Variants in NECTIN3 observed in about 807,000 individuals in gnomAD.
NECTIN3 encodes nectin cell adhesion molecule 3.
In NECTIN3, 8 loss-of-function variants were observed where a neutral mutation model predicts 49.4. That is an observed-to-expected ratio of 0.16 (90% CI 0.10 to 0.29). The LOEUF (loss-of-function observed/expected upper bound fraction) is 0.29. Ranked by LOEUF, NECTIN3 falls within the 10% of genes least tolerant of loss-of-function variation. The pLI is 1.00. For synonymous variants in NECTIN3, 277 were observed against 241.1 expected, an observed-to-expected ratio of 1.15 and a Z score of -1.38; for missense variants, 581 against 654.6, an observed-to-expected ratio of 0.89 and a Z score of 1.23.
At chr3:111,127,831 G>A (rs2034229075) in intron 5 of NECTIN3, among the ~76,000 whole-genome samples, 1 of 152,034 alleles carries the variant, frequency 6.6e-6, no homozygotes, top group Non-Finnish European at 1.5e-5. Flanking sequence ...ACCTCCTAAA[G>A]TGCTGGGATT....
intron 4 of NECTIN3, among the ~76,000 whole-genome samples, chr3:111,123,015 G>T (rs948001569): frequency 4.0e-5 from 6 of 151,316 alleles, no homozygotes; most frequent in African/African-American, 1.5e-4. Context: ...CTTCCTAGAA[G>T]ATTTTCTTGA....
intron 4 of NECTIN3, 44 bp from the exon 5 acceptor site, chr3:111,126,140 A>AG (rs2034155033): frequency 7.3e-7 from 1 of 1,373,916 alleles, no homozygotes; most frequent in Non-Finnish European, 9.7e-7. Context: ...CAATAAATAT[A>AG]GTCTGAAGAT....
At chr3:111,087,041 T>C (rs2031973535) in intron 1 of NECTIN3, among the ~76,000 whole-genome samples, 1 of 152,144 alleles carries the variant, frequency 6.6e-6, no homozygotes, top group South Asian at 2.1e-4. Context: ...GTTTTCTCAT[T>C]GTTTGTGGCA....
chr3:111,160,999 T>G (rs1345526951), intron 7 of NECTIN3, among the ~76,000 whole-genome samples: 1 of 152,064 alleles, frequency 6.6e-6, no homozygotes, highest in Non-Finnish European at 1.5e-5. Flanking sequence ...AGAACGAGAC[T>G]CCGTCTCAAA....
upstream of NECTIN3, among the ~76,000 whole-genome samples, chr3:111,189,781 T>C (rs145399764): frequency 2.5e-3 from 377 of 152,292 alleles, 2 homozygotes; most frequent in Middle Eastern, 0.014. Flanking sequence ...AAGATGGCAT[T>C]ATTAGGTACC....
rs773483080 is a variant in NECTIN3, at chr3:111,126,227, A to G, written c.961A>G (p.Thr321Ala). 1 of 1,609,004 alleles carries G rather than the reference A, an allele frequency of 6.2e-7. No homozygotes were observed. The highest frequency in any genetic ancestry group is 1.1e-5 in the South Asian group (1 of 90,426). ...WPDGLLASDNTLHFVHPLTFN... is the reference protein window; with the variant it reads ...WPDGLLASDNALHFVHPLTFN... ...TGATGGTTTATTGGCTTCAGACAATACTCTTCATTTTGTCCATCCATTGAC... is the reference window on the plus strand; with the variant it reads ...TGATGGTTTATTGGCTTCAGACAATGCTCTTCATTTTGTCCATCCATTGAC... The change falls in exon 5 of 6, where the codon ACT (threonine) becomes GCT (alanine). Residue 321 changes from threonine to alanine, a missense_variant. Coordinates refer to ENST00000485303, the MANE Select transcript of NECTIN3 (RefSeq NM_015480.3).
upstream of NECTIN3, among the ~76,000 whole-genome samples, chr3:111,190,253 G>A (rs956377598): frequency 7.2e-5 from 11 of 152,198 alleles, no homozygotes; most frequent in Admixed American, 4.6e-4. Flanking sequence ...GGGAAGCACT[G>A]TAGAATTATG....
At chr3:111,088,949 T>C (rs1298315438) in intron 1 of NECTIN3, among the ~76,000 whole-genome samples, 1 of 152,130 alleles carries the variant, frequency 6.6e-6, no homozygotes, top group East Asian at 1.9e-4. Context: ...GTTTTCTTTT[T>C]AAGGGAAGGA....
chr3:111,138,378 A>G (rs1195103401), downstream of NECTIN3, among the ~76,000 whole-genome samples: 1 of 151,620 alleles, frequency 6.6e-6, no homozygotes, highest in Non-Finnish European at 1.5e-5. Context: ...TTGCACAGTA[A>G]ACCAACTTTC....
At position 111,135,882 on chromosome 3, in the gene NECTIN3, A is replaced by G; in HGVS notation, c.*1667A>G. The G allele has an allele frequency of 1.1e-6, 1 of 909,340 alleles. No individual in the cohort carries two copies. Among genetic ancestry groups the G allele is most frequent in the Middle Eastern group, 5.7e-4 (1 of 1,760 alleles). The allele number at this position is 909,340 out of a possible 1,614,324, so 56.3% of individuals were successfully genotyped here. On this transcript the variant is annotated 3_prime_UTR_variant, in exon 6 of 6. Transcript: ENST00000485303. ...CTCTTTTATTTCTCTTCCCAAAAGT[A>G]ATACTTATTATAAGGCTGTAGTATC...
At chr3:111,146,091 A>G (rs2034866835) in intron 6 of NECTIN3, among the ~76,000 whole-genome samples, 1 of 152,148 alleles carries the variant, frequency 6.6e-6, no homozygotes, top group South Asian at 2.1e-4. Flanking sequence ...AAGATGATAA[A>G]ATGCTCTTTC....
chr3:111,127,410 A>G (rs560228944), intron 5 of NECTIN3, among the ~76,000 whole-genome samples: 2 of 149,506 alleles, frequency 1.3e-5, no homozygotes, highest in South Asian at 4.2e-4. Context: ...TTTATTCACG[A>G]CTGTATACTC....
chr3:111,181,033 G>A (rs1032600341), intron 7 of NECTIN3, among the ~76,000 whole-genome samples: 2 of 152,068 alleles, frequency 1.3e-5, no homozygotes, highest in Admixed American at 6.6e-5. Context: ...GTACATGGAT[G>A]TAACCATTGC....
rs369735364 is a variant in NECTIN3 at position 111,122,255 on chromosome 3, C to G, written c.917+17C>G. ...GTGGAGCAGGTAATGTTATATACTT[C>G]GAAAGAGAAATTATCTAAAAGTGAA... On this transcript the variant is annotated intron_variant, in intron 4 of 5. Transcript: ENST00000485303. 9.1e-6 allele frequency: 14 copies of G among 1,534,270 alleles called. No homozygotes were observed. Among genetic ancestry groups the G allele is most frequent in the Middle Eastern group, 1.7e-4 (1 of 5,864 alleles).
At chr3:111,072,487 C>T (rs1055561919) in intron 1 of NECTIN3, 22 of 1,535,850 alleles carry the variant, frequency 1.4e-5, no homozygotes, top group East Asian at 2.4e-5. Context: ...CCGTTACTTC[C>T]TCGCTCATTC....
At chr3:111,086,850 A>G (rs1039395660) in intron 1 of NECTIN3, among the ~76,000 whole-genome samples, 10 of 152,112 alleles carry the variant, frequency 6.6e-5, no homozygotes, top group Non-Finnish European at 1.3e-4. Flanking sequence ...GAGTCTTCCA[A>G]TCCATGAGCC....
At chr3:111,185,489 A>T (rs1035599087) in intron 7 of NECTIN3, among the ~76,000 whole-genome samples, 3 of 129,144 alleles carry the variant, frequency 2.3e-5, no homozygotes, top group Non-Finnish European at 4.4e-5. Flanking sequence ...TTAGTTCTCC[A>T]TCATGGCTGG....
At chr3:111,152,709 A>C (rs2035024386) in intron 7 of NECTIN3, among the ~76,000 whole-genome samples, 1 of 151,910 alleles carries the variant, frequency 6.6e-6, no homozygotes, top group Non-Finnish European at 1.5e-5. Context: ...CCACTGGTTT[A>C]TGTTATAAGA....
intron 1 of NECTIN3, chr3:111,074,388 T>G: frequency 2.9e-6 from 1 of 350,734 alleles, no homozygotes; most frequent in South Asian, 2.2e-5. Context: ...TTGAAAAGAT[T>G]TTTAAGCTTT....
Sources: gnomAD v4.1 joint callset for allele counts (sites outside exome capture counted in the v4.1 genomes callset) on GRCh38, gnomAD v4.1.1 for gene constraint, MANE v1.5 for transcripts, NCBI Gene and HGNC (gene_info 2026-07-23, HGNC 2026-07-21) for gene names.